The following JADE2 variants were observed in gnomAD, a reference collection of about 807,000 sequenced individuals.
The protein encoded by JADE2 is jade family PHD finger 2, also known as E3 ubiquitin-protein ligase Jade-2.
In JADE2, 13 loss-of-function variants were observed where a neutral mutation model predicts 85.7. The observed-to-expected ratio is 0.15, with a 90% CI of 0.10 to 0.24. The LOEUF is 0.24. JADE2 is among the 10% of genes least tolerant of loss of function. JADE2 has a pLI of 1.00. For missense variants in JADE2, 846 were observed against 1,115.9 expected (o/e 0.76, Z 3.45); for synonymous variants, 440 against 456.1 (o/e 0.96, Z 0.45).
chr5:134,577,224 C>T (rs140711410), intron 11 of JADE2, among the ~76,000 whole-genome samples: 1,918 of 152,324 alleles, frequency 0.013, 20 homozygotes, highest in Non-Finnish European at 0.02. Flanking sequence ...CAGCCCCATG[C>T]TGGGAGGGGA....
intron 3 of JADE2, among the ~76,000 whole-genome samples, chr5:134,543,103 C>T (rs1385637129): frequency 1.3e-5 from 2 of 149,802 alleles, no homozygotes; most frequent in Non-Finnish European, 3.0e-5. Flanking sequence ...GGTGTGATCT[C>T]GGCTCACTGC....
At position 134,582,071 on chromosome 5, in the gene JADE2, CAGGGA is replaced by C. The variant is rs1764739643; in HGVS notation, c.*2758_*2762del. ...TCTGCCTCCACACACAGCTCCTCCG[CAGGGA>C]AGGAGAAGCTGCTCTGTAACTCATT... On this transcript the variant is annotated 3_prime_UTR_variant, in exon 12 of 12. Transcript: ENST00000681547. 6.6e-6 allele frequency: 1 copy of C among 152,240 alleles called. No individual in the cohort carries two copies. The highest frequency in any genetic ancestry group is 2.4e-5 in the African/African-American group (1 of 41,464). The allele number at this position is 152,240 out of a possible 1,614,324, so 9.4% of individuals were successfully genotyped here. A position where few individuals can be genotyped will look rare whatever the true frequency, so the allele number is the denominator to read the frequency against.
intron 10 of JADE2, chr5:134,574,627 C>T (rs1173455758): frequency 6.6e-6 from 1 of 152,544 alleles, no homozygotes; most frequent in East Asian, 1.9e-4. Flanking sequence ...GCTGAGCTGA[C>T]CTGATTGTGC....
chr5:134,563,273 G>A (rs541253485), intron 7 of JADE2, among the ~76,000 whole-genome samples: 14 of 151,738 alleles, frequency 9.2e-5, no homozygotes, highest in Admixed American at 2.6e-4. Context: ...AGCCGAGATC[G>A]CGCCACTGCA....
intron 3 of JADE2, among the ~76,000 whole-genome samples, chr5:134,551,131 T>C (rs968303027): frequency 2.4e-4 from 36 of 152,194 alleles, no homozygotes; most frequent in African/African-American, 8.7e-4. Context: ...CCTCCACTTG[T>C]GTCTGGGGGT....
rs1404325412 is a variant in JADE2, at chr5:134,579,480, G to A, written c.*163G>A. 1.6e-6 allele frequency: 1 copy of A among 617,076 alleles called. No homozygotes were observed. The highest frequency in any genetic ancestry group is 1.8e-5 in the African/African-American group (1 of 54,222). The allele number at this position is 617,076 out of a possible 1,614,324, so 38.2% of individuals were successfully genotyped here. ...TAGAGAGAGTTTTGAATTCTACACT[G>A]TTGTCTTTCCTCTGTGCTGGCCTAG... On this transcript the variant is annotated 3_prime_UTR_variant, in exon 12 of 12. Transcript: ENST00000681547. This position sits in a 1 kb window ranked among gnomAD's most constrained non-coding sequence, Gnocchi z 4.6.
Position 134,525,924 on chromosome 5 carries a change from C to T in JADE2, c.-88C>T, listed in dbSNP as rs897072564. 4.1e-6 allele frequency: 4 copies of T among 985,870 alleles called. No homozygotes were observed. Among genetic ancestry groups the T allele is most frequent in the Non-Finnish European group, 4.8e-6 (4 of 830,506 alleles). 61.1% of individuals were successfully genotyped at this position (985,870 alleles called of 1,614,324 possible). ...CCTCCCGCGCCGGCCCCAGGAGCTC[C>T]CGGCTTCGGGAGCATCCTTCCCGCG... On this transcript the variant is annotated 5_prime_UTR_variant, in exon 1 of 12. Coordinates refer to ENST00000681547, the MANE Select transcript of JADE2 (RefSeq NM_001388185.1).
chr5:134,561,506 CCTGG>C (rs1355601059), intron 6 of JADE2, among the ~76,000 whole-genome samples: 1 of 152,014 alleles, frequency 6.6e-6, no homozygotes, highest in Admixed American at 6.6e-5. Flanking sequence ...GCCAGTGCAG[CCTGG>C]CCAGGCTCCC....
intron 3 of JADE2, among the ~76,000 whole-genome samples, chr5:134,549,534 G>C (rs1250255235): frequency 1.3e-5 from 2 of 152,170 alleles, no homozygotes; most frequent in Non-Finnish European, 2.9e-5. Flanking sequence ...GCGGGCACCT[G>C]TAATTCCAGC....
At chr5:134,570,226 T>C (rs1763906298) in intron 9 of JADE2, among the ~76,000 whole-genome samples, 1 of 152,102 alleles carries the variant, frequency 6.6e-6, no homozygotes, top group Non-Finnish European at 1.5e-5. Flanking sequence ...TGCTGAGCCC[T>C]GCCTCCCTCA....
rs1764591785 is a variant in JADE2, at chr5:134,579,411, C to T, written c.*94C>T. ...CATTTCCAGTCTCTGCTGAGTGTCC[C>T]AGACCCTCGAGGCTGCCACTCCGTC... On this transcript the variant is annotated 3_prime_UTR_variant, in exon 12 of 12. Transcript: ENST00000681547. This position sits in a 1 kb window ranked among gnomAD's most constrained non-coding sequence, Gnocchi z 4.6. 3 of 1,006,730 alleles carry T rather than the reference C, an allele frequency of 3.0e-6. No individual in the cohort carries two copies. The highest frequency in any genetic ancestry group is 2.6e-5 in the East Asian group (1 of 38,162). The allele number at this position is 1,006,730 out of a possible 1,614,324, so 62.4% of individuals were successfully genotyped here.
At chr5:134,536,049 T>G in intron 2 of JADE2, 134 bp downstream of exon 2, 2 of 776,884 alleles carry the variant, frequency 2.6e-6, no homozygotes, top group Non-Finnish European at 2.2e-6. Flanking sequence ...ATAAATCAAG[T>G]CAGGTTTCTC....
chr5:134,574,604 C>T (rs992519764), intron 10 of JADE2: 1 of 152,444 alleles, frequency 6.6e-6, no homozygotes, highest in African/African-American at 2.4e-5. Flanking sequence ...GCTGCCCCTA[C>T]TTCTGCCCCA....
intron 4 of JADE2, 47 bp from the exon 5 acceptor site, chr5:134,559,783 C>A: frequency 6.4e-7 from 1 of 1,569,640 alleles, no homozygotes; most frequent in South Asian, 1.2e-5. Flanking sequence ...CCTATGGCGG[C>A]AGGCTGAGGG....
rs939097067 is a variant in JADE2, at chr5:134,576,836, G to GGCA, written c.1625_1627dup (p.Ser542dup). Reference sequence around the variant, plus strand: ...GAGGAAGGGCTGCGAGGGCTCCAAGGGCAGCACTGAGAAGAAAGAGAAAGT... The same window carrying GGCA: ...GAGGAAGGGCTGCGAGGGCTCCAAGGGCAGCAGCACTGAGAAGAAAGAGAAAGT... On this transcript the variant is annotated inframe_insertion, in exon 11 of 12. Transcript: ENST00000681547. 6.4e-7 allele frequency: 1 copy of GGCA among 1,550,564 alleles called. No individual in the cohort carries two copies.
chr5:134,531,053 TC>T (rs1410653356), intron 1 of JADE2, among the ~76,000 whole-genome samples: 1 of 152,158 alleles, frequency 6.6e-6, no homozygotes, highest in Non-Finnish European at 1.5e-5. Flanking sequence ...GGATGGGTAT[TC>T]CGTGGACACT....
At chr5:134,540,358 A>G (rs1438060006) in intron 3 of JADE2, among the ~76,000 whole-genome samples, 1 of 150,298 alleles carries the variant, frequency 6.7e-6, no homozygotes, top group African/African-American at 2.5e-5. Flanking sequence ...AGCTAGAACT[A>G]CAGGTGCACA....
upstream of JADE2, chr5:134,525,620 ATT>A (rs1332624316): frequency 6.2e-6 from 2 of 324,962 alleles, no homozygotes; most frequent in Admixed American, 1.5e-4. Flanking sequence ...ACCCCAACAC[ATT>A]TTTTTTTTCT....
chr5:134,572,314 G>A (rs897162510), intron 9 of JADE2, among the ~76,000 whole-genome samples: 5 of 152,232 alleles, frequency 3.3e-5, no homozygotes, highest in African/African-American at 1.2e-4. Context: ...GGAAGGCCAC[G>A]GAGAGTCCAT....
Sources: gnomAD v4.1 joint callset for allele counts (sites outside exome capture counted in the v4.1 genomes callset) on GRCh38, gnomAD v4.1.1 for gene constraint, Gnocchi (gnomAD v3.1) non-coding constraint, MANE v1.5 for transcripts, NCBI Gene and HGNC (gene_info 2026-07-23, HGNC 2026-07-21) for gene names.